FUS: variants seen among roughly 807,000 people sequenced by gnomAD.
FUS encodes the protein FUS RNA binding protein.
In FUS, 5 loss-of-function variants were observed where a neutral mutation model predicts 82.7. The observed-to-expected ratio is 0.06, with a 90% CI of 0.03 to 0.13. The LOEUF (loss-of-function observed/expected upper bound fraction) is 0.13. Ranked by LOEUF, FUS falls within the 10% of genes least tolerant of loss-of-function variation. FUS has a pLI of 1.00. For missense variants in FUS, 512 were observed against 707.8 expected, an observed-to-expected ratio of 0.72 and a Z score of 3.14; for synonymous variants, 281 against 247.4, an observed-to-expected ratio of 1.14 and a Z score of -1.27.
chr16:31,185,211 G>T (rs753063874), intron 6 of FUS, 32 bp downstream of exon 6: 2 of 1,583,896 alleles, frequency 1.3e-6, no homozygotes, highest in East Asian at 4.5e-5. Context: ...GAGTATCTTT[G>T]GTGGGGAGTG....
intron 7 of FUS, 75 bp downstream of exon 7, chr16:31,186,911 G>C: frequency 7.1e-7 from 1 of 1,407,876 alleles, no homozygotes; most frequent in Non-Finnish European, 1.0e-6. Context: ...AGATGTCTTA[G>C]CGTGTTAATT....
At chr16:31,182,807 A>G (rs1357419148) in intron 3 of FUS, 143 bp downstream of exon 3, 4 of 1,015,202 alleles carry the variant, frequency 3.9e-6, no homozygotes, top group South Asian at 2.7e-5. Context: ...ACATCAGCCT[A>G]CCGGGTTCAA....
Position 31,189,782 on chromosome 16 carries a change from G to T in FUS, c.1054G>T (p.Asp352Tyr). 6.2e-7 allele frequency: 1 copy of T among 1,614,176 alleles called. No homozygotes were observed. Among genetic ancestry groups the T allele is most frequent in the South Asian group, 1.1e-5 (1 of 91,062 alleles). ...CCCACCTTCAGCTAAAGCAGCTATT[G>T]ACTGGTTTGATGGTATGTATGAGAA... ...DDPPSAKAAIDWFDGKEFSGN... is the reference protein window; with the variant it reads ...DDPPSAKAAIYWFDGKEFSGN... Residue 352 changes from aspartate (D) to tyrosine (Y), a missense_variant, in exon 10 of 15, where the codon GAC becomes TAC. Asp to Tyr is a radical substitution (Grantham distance 160). Transcript: ENST00000254108.
At chr16:31,185,458 G>A (rs964539989) in intron 6 of FUS, 2 of 657,036 alleles carry the variant, frequency 3.0e-6, no homozygotes, top group Admixed American at 2.1e-5. Context: ...GTATGGATTG[G>A]AGTCATTAAT....
At chr16:31,192,712 A>C (rs1223303167), downstream of FUS, 1 of 481,680 alleles carries the variant, frequency 2.1e-6, no homozygotes, top group Non-Finnish European at 4.1e-6. Flanking sequence ...CTGAGACTAC[A>C]GGCGTGGGCC....
intron 3 of FUS, 68 bp downstream of exon 3, chr16:31,182,732 T>C: frequency 6.2e-7 from 1 of 1,602,122 alleles, no homozygotes; most frequent in Non-Finnish European, 8.5e-7. Flanking sequence ...TTCTTGTTTT[T>C]TGGAGACGGA....
At position 31,183,924 on chromosome 16, in the gene FUS, G is replaced by A. The variant is rs762715165; in HGVS notation, c.257G>A (p.Ser86Asn). The A allele has an allele frequency of 6.2e-7, 1 of 1,613,912 alleles. No homozygotes were observed. Among genetic ancestry groups the A allele is most frequent in the Non-Finnish European group, 8.5e-7 (1 of 1,179,802 alleles). Residue 86 changes from serine to asparagine, a missense_variant, in exon 4 of 15, where the codon AGC becomes AAC. By Grantham distance (46) the Ser-to-Asn change is conservative. This residue lies in a region of FUS where 276 missense variants were observed against 303.3 expected (regional missense o/e 0.91). Coordinates refer to ENST00000254108, the MANE Select transcript of FUS (RefSeq NM_004960.4). ...ACTGGCGGCTATGGCAGTAGCCAGA[G>A]CTCCCAATCGTCTTACGGGCAGCAG... ...GSTGGYGSSQ[S>N]SQSSYGQQSS...
rs200156095 is a variant in FUS at position 31,189,837 on chromosome 16, G to A, written c.1066+43G>A. ...GGCAGAGGTGGGGCTGGGGATATAG[G>A]GCAGCAAGCCTTAGGAAACAAGCCA... On this transcript the variant is annotated intron_variant, in intron 10 of 14. Transcript: ENST00000254108. 6.4e-4 allele frequency: 1,026 copies of A among 1,613,234 alleles called. 1 individual carries two copies. The highest frequency in any genetic ancestry group is 7.9e-4 in the Non-Finnish European group (938 of 1,179,964).
At chr16:31,193,096 T>A, downstream of FUS, 1 of 483,952 alleles carries the variant, frequency 2.1e-6, no homozygotes, top group Non-Finnish European at 4.1e-6. Flanking sequence ...TGCGCCACCA[T>A]GCCCAGCTAA....
Position 31,190,311 on chromosome 16 carries a change from G to A in FUS, c.1205G>A (p.Ser402Asn), listed in dbSNP as rs2144135921. 1.2e-6 allele frequency: 2 copies of A among 1,613,682 alleles called. No homozygotes were observed. The highest frequency in any genetic ancestry group is 1.7e-6 in the Non-Finnish European group (2 of 1,179,586). ...MGRGGYGGGG[S>N]GGGGRGGFPS... is the part of the protein sequence containing the mutation. ...CGTGGAGGCTATGGAGGTGGTGGCA[G>A]TGGTGGTGGTGGCCGAGGAGGATTT... The change falls in exon 12 of 15, where the codon AGT becomes AAT. Residue 402 changes from serine to asparagine, a missense_variant. By Grantham distance (46) the Ser-to-Asn change is conservative (BLOSUM62 1). Transcript: ENST00000254108.
intron 6 of FUS, chr16:31,186,360 G>A: frequency 2.9e-6 from 1 of 348,774 alleles, no homozygotes; most frequent in South Asian, 3.8e-5. Flanking sequence ...GGTTGGGTCT[G>A]CTTGCTGCTT....
At chr16:31,180,667 T>A (rs1213147516) in intron 1 of FUS, among the ~76,000 whole-genome samples, 2 of 151,972 alleles carry the variant, frequency 1.3e-5, no homozygotes, top group Non-Finnish European at 1.5e-5. Context: ...CCCCGCCTCG[T>A]GTTGGTTCAG....
Position 31,184,284 on chromosome 16 carries a change from T to C in FUS, c.411T>C (p.Gly137=), listed in dbSNP as rs1596894810. Residue 137 remains glycine (G), a synonymous_variant, in exon 5 of 15, where the codon GGT becomes GGC. Transcript: ENST00000254108. ...SGSYSQQPSY[G]GQQQSYGQQQ... ...GCTACAGCCAGCAGCCTAGCTATGG[T>C]GGACAGCAGCAAAGCTATGGACAGC... is the stretch of plus-strand genomic sequence containing the variant. The C allele has an allele frequency of 6.2e-7, 1 of 1,613,640 alleles. No individual in the cohort carries two copies. The highest frequency in any genetic ancestry group is 1.3e-5 in the African/African-American group (1 of 74,808).
Position 31,184,979 on chromosome 16 carries a change from T to C in FUS, c.564T>C (p.Gly188=). The part of the protein sequence containing the change: ...GQDQSSMSSG[G]GSGGGYGNQD... Reference sequence around the variant, plus strand: ...ATCAATCCTCCATGAGTAGTGGTGGTGGCAGTGGTGGCGGTTATGGCAATC... The same window carrying C: ...ATCAATCCTCCATGAGTAGTGGTGGCGGCAGTGGTGGCGGTTATGGCAATC... Residue 188 remains glycine, a synonymous_variant, in exon 6 of 15, where the codon GGT becomes GGC. Transcript: ENST00000254108. The C allele has an allele frequency of 2.5e-6, 4 of 1,613,920 alleles. 1 individual carries two copies. The highest frequency in any genetic ancestry group is 2.5e-6 in the Non-Finnish European group (3 of 1,179,952).
rs777819849 is a variant in FUS at position 31,185,115 on chromosome 16, C to T, written c.700C>T (p.Arg234Cys). 7 of 1,609,080 alleles carry T rather than the reference C, an allele frequency of 4.4e-6. No homozygotes were observed. The highest frequency in any genetic ancestry group is 2.2e-5 in the South Asian group (2 of 90,656). ...GGGGGGGGYN[R>C]SSGGYEPRGR... ...CGGCGGCGGCGGTGGTGGTTACAACCGCAGCAGTGGTGGCTATGAACCCAG... is the reference window on the plus strand; with the variant it reads ...CGGCGGCGGCGGTGGTGGTTACAACTGCAGCAGTGGTGGCTATGAACCCAG... The change falls in exon 6 of 15, where the codon CGC becomes TGC. Residue 234 changes from arginine to cysteine, a missense_variant. Coordinates refer to ENST00000254108, the MANE Select transcript of FUS (RefSeq NM_004960.4).
intron 9 of FUS, 130 bp from the exon 10 acceptor site, chr16:31,189,535 G>C: frequency 8.0e-7 from 1 of 1,243,280 alleles, no homozygotes; most frequent in Non-Finnish European, 1.2e-6. Context: ...TACATGTGAG[G>C]TAGGAAGAAG....
At chr16:31,193,391 TG>T (rs2144152189), downstream of FUS, 1 of 526,430 alleles carries the variant, frequency 1.9e-6, no homozygotes, top group African/African-American at 1.9e-5. Flanking sequence ...TCCCTGCCAC[TG>T]CTGGTTTCTT....
chr16:31,184,897 C>G, intron 5 of FUS, 42 bp from the exon 6 acceptor site: 5 of 1,584,282 alleles, frequency 3.2e-6, no homozygotes, highest in South Asian at 2.2e-5. Flanking sequence ...ACTTTACAAT[C>G]TTTTTGTTTT....
Position 31,184,952 on chromosome 16 carries a change from A to C in FUS, c.537A>C (p.Gln179His), listed in dbSNP as rs1423300240. ...GGGGGGGNYG[Q>H]DQSSMSSGGG... Reference sequence around the variant, plus strand: ...CTTTTCTCACAGGTAACTATGGCCAAGATCAATCCTCCATGAGTAGTGGTG... The same window carrying C: ...CTTTTCTCACAGGTAACTATGGCCACGATCAATCCTCCATGAGTAGTGGTG... Residue 179 changes from glutamine to histidine, a missense_variant, in exon 6 of 15, where the codon CAA becomes CAC. Transcript: ENST00000254108. 1.2e-5 allele frequency: 20 copies of C among 1,613,646 alleles called. No individual in the cohort carries two copies. The highest frequency in any genetic ancestry group is 1.4e-5 in the Non-Finnish European group (17 of 1,179,984).
Sources: gnomAD v4.1 joint callset for allele counts (sites outside exome capture counted in the v4.1 genomes callset) on GRCh38, gnomAD v4.1.1 for gene constraint, gnomAD v4.1.1 regional missense constraint, MANE v1.5 for transcripts, NCBI Gene and HGNC (gene_info 2026-07-23, HGNC 2026-07-21) for gene names.